MME: variants seen among roughly 807,000 people sequenced by gnomAD.
The protein encoded by MME is membrane metalloendopeptidase, also known as neprilysin.
MME carries 98 observed loss-of-function variants against 113.2 expected under a neutral mutation model. That is an observed-to-expected ratio of 0.87 (90% CI 0.74 to 1.02). The LOEUF is 1.02. MME is among the 50% of genes least tolerant of loss of function. The probability of loss-of-function intolerance (pLI) is 0.00; values close to 1 mark genes in which losing one functional copy is unlikely to be tolerated. For missense variants in MME, 836 were observed against 896.0 expected (o/e 0.93, Z 0.86); for synonymous variants, 292 against 300.6 (o/e 0.97, Z 0.30).
intron 3 of MME, among the ~76,000 whole-genome samples, chr3:155,103,902 T>G (rs992433523): frequency 2.0e-5 from 3 of 152,186 alleles, no homozygotes; most frequent in Admixed American, 6.5e-5. Flanking sequence ...AACTCACTTA[T>G]GGAAGGACAT....
intron 1 of MME, among the ~76,000 whole-genome samples, chr3:155,060,178 A>G (rs1292233609): frequency 6.6e-6 from 1 of 152,188 alleles, no homozygotes; most frequent in Non-Finnish European, 1.5e-5. Flanking sequence ...AGGTTGCAGC[A>G]AAATTATGAT....
intron 2 of MME, 83 bp from the exon 3 acceptor site, chr3:155,084,976 G>A (rs550660619): frequency 1.7e-5 from 15 of 871,204 alleles, no homozygotes; most frequent in Non-Finnish European, 2.5e-5. Context: ...TATTTAATTG[G>A]CAGTTTTTAA....
At chr3:155,074,993 C>A (rs1714698984), upstream of MME, among the ~76,000 whole-genome samples, 1 of 151,674 alleles carries the variant, frequency 6.6e-6, no homozygotes, top group Non-Finnish European at 1.5e-5. Context: ...ATATTGTTAT[C>A]CAGATCTTCT....
At chr3:155,171,254 T>C (rs1381945908) in intron 20 of MME, among the ~76,000 whole-genome samples, 1 of 152,180 alleles carries the variant, frequency 6.6e-6, no homozygotes, top group Non-Finnish European at 1.5e-5. Context: ...CCCTGCTAGA[T>C]TGCGAGCTCT....
intron 3 of MME, chr3:155,089,916 C>T: frequency 2.3e-6 from 1 of 440,230 alleles, no homozygotes; most frequent in South Asian, 1.6e-5. Flanking sequence ...GCCAAGATTG[C>T]ACGACTGCAC....
intron 20 of MME, 45 bp from the exon 21 acceptor site, chr3:155,172,072 C>G: frequency 8.8e-7 from 1 of 1,134,814 alleles, no homozygotes; most frequent in East Asian, 2.4e-5. Context: ...TATATATAAC[C>G]TTAGGAATTA....
rs200657784 is a variant in MME at position 155,167,019 on chromosome 3, A to G, written c.1778A>G (p.Asn593Ser). 177 of 1,613,576 alleles carry G rather than the reference A, an allele frequency of 1.1e-4. No homozygotes were observed. The East Asian group carries it at 3.3e-3, about 31-fold the overall frequency. ...GAAATCACCCATGGCTTCGATGACAATGGTAAAGTGCAGTTGACATTTTCC... is the reference window on the plus strand; with the variant it reads ...GAAATCACCCATGGCTTCGATGACAGTGGTAAAGTGCAGTTGACATTTTCC... ...GHEITHGFDD[N>S]GRNFNKDGDL... is the part of the protein sequence containing the mutation. The change falls in exon 18 of 23, where the codon AAT becomes AGT. Residue 593 changes from asparagine to serine, a missense_variant and splice_region_variant. Coordinates refer to ENST00000360490, the MANE Select transcript of MME (RefSeq NM_007289.4).
upstream of MME, among the ~76,000 whole-genome samples, chr3:155,079,467 G>T (rs903772460): frequency 2.6e-5 from 4 of 152,074 alleles, no homozygotes; most frequent in Non-Finnish European, 5.9e-5. Flanking sequence ...TGGTGAGATG[G>T]GGGGTGGGGA....
chr3:155,154,073 C>G (rs576277736), intron 16 of MME, among the ~76,000 whole-genome samples: 1 of 152,284 alleles, frequency 6.6e-6, no homozygotes, highest in South Asian at 2.1e-4. Flanking sequence ...AAAACATTCT[C>G]TGGAATCAAT....
intron 3 of MME, among the ~76,000 whole-genome samples, chr3:155,110,429 C>T (rs764710037): frequency 6.6e-6 from 1 of 152,192 alleles, no homozygotes; most frequent in Non-Finnish European, 1.5e-5. Context: ...CTACATCTCC[C>T]AATCCATACA....
At chr3:155,024,733 C>A (rs1015863983) in intron 1 of MME, among the ~76,000 whole-genome samples, 2 of 152,070 alleles carry the variant, frequency 1.3e-5, no homozygotes, top group African/African-American at 2.4e-5. Flanking sequence ...GAAATAAGAG[C>A]ATAACATAGA....
At chr3:155,139,744 T>C (rs1720911322) in intron 9 of MME, among the ~76,000 whole-genome samples, 1 of 152,194 alleles carries the variant, frequency 6.6e-6, no homozygotes, top group Admixed American at 6.5e-5. Context: ...TTATAGAAAC[T>C]CTTGCACCTT....
chr3:155,147,215 G>A lies in MME; in HGVS notation c.1488G>A (p.Glu496=), dbSNP rs1481414898. ...CAAATGATAACAAACTGAATAATGA[G>A]TACCTCGAGGTAAGTCTCTATAAAA... ...IVSNDNKLNN[E]YLELNYKEDE... Residue 496 remains glutamate, a synonymous_variant, in exon 15 of 23, where the codon GAG becomes GAA. Transcript: ENST00000360490. The A allele has an allele frequency of 6.3e-7, 1 of 1,591,074 alleles. No individual in the cohort carries two copies. Among genetic ancestry groups the A allele is most frequent in the South Asian group, 1.1e-5 (1 of 90,650 alleles).
intron 1 of MME, among the ~76,000 whole-genome samples, chr3:155,056,485 T>C (rs1713932473): frequency 1.3e-5 from 2 of 149,320 alleles, no homozygotes; most frequent in African/African-American, 2.5e-5. Flanking sequence ...ATTTCATCCA[T>C]GTCCCTACAA....
chr3:155,064,390 G>A (rs1714316291), intron 1 of MME, among the ~76,000 whole-genome samples: 2 of 152,152 alleles, frequency 1.3e-5, no homozygotes, highest in African/African-American at 2.4e-5. Flanking sequence ...AGGCACAAGA[G>A]AAGACGGCCA....
chr3:155,116,979 T>A lies in MME; in HGVS notation c.647T>A (p.Val216Glu), dbSNP rs371845470. 1 of 1,529,600 alleles carries A rather than the reference T, an allele frequency of 6.5e-7. No individual in the cohort carries two copies. The highest frequency in any genetic ancestry group is 1.4e-5 in the African/African-American group (1 of 73,146). The allele number at this position is 1,529,600 out of a possible 1,614,324, so 94.8% of individuals were successfully genotyped here. A position where few individuals can be genotyped will look rare whatever the true frequency, so the allele number is the denominator to read the frequency against. Residue 216 changes from valine (V) to glutamate (E), a missense_variant, in exon 7 of 23, where the codon GTA becomes GAA. Coordinates refer to ENST00000360490, the MANE Select transcript of MME (RefSeq NM_007289.4). ...GTDDKNSVNH[V>E]IHIDQPRLGL... ...GATGATAAGAATTCTGTGAATCATGTAATTCATGTAAGTTTGTGTGTCAAA... is the reference window on the plus strand; with the variant it reads ...GATGATAAGAATTCTGTGAATCATGAAATTCATGTAAGTTTGTGTGTCAAA...
Position 155,074,239 on chromosome 3 carries a change from C to T in MME, c.-10-9919C>T, listed in dbSNP as rs571224496. ...TTTCTAACTTTCTAAGTTATATGCT[C>T]ACCTCATTAAATTTTAGCTTTTTCA... On this transcript the variant is annotated intron_variant, in intron 1 of 22. Coordinates refer to the MME transcript ENST00000492661. Among the ~76,000 whole-genome samples the T allele has an allele frequency of 5.3e-5, 8 of 152,178 alleles. No individual in the cohort carries two copies. In the South Asian group the frequency reaches 1.5e-3, roughly 28 times the overall value.
At position 155,073,884 on chromosome 3, in the gene MME, G is replaced by A. The variant is rs113798373; in HGVS notation, c.-10-10274G>A. 8.8e-4 allele frequency among the ~76,000 whole-genome samples: 134 copies of A among 151,778 alleles called. 1 individual carries two copies. Among genetic ancestry groups the A allele is most frequent in the African/African-American group, 3.1e-3 (127 of 41,428 alleles). On this transcript the variant is annotated intron_variant, in intron 1 of 22. Transcript: ENST00000492661. The stretch of plus-strand genomic sequence containing the variant: ...AAAACGCAATTAATTTTTTAATATT[G>A]ATCTTTTATCCAACAATCATATTAC...
chr3:155,133,379 C>T (rs1000649029), intron 8 of MME, among the ~76,000 whole-genome samples: 1 of 151,640 alleles, frequency 6.6e-6, no homozygotes, highest in Non-Finnish European at 1.5e-5. Context: ...ATCCCAGAAG[C>T]TAGTGATACT....
Sources: gnomAD v4.1 joint callset for allele counts (sites outside exome capture counted in the v4.1 genomes callset) on GRCh38, gnomAD v4.1.1 for gene constraint, MANE v1.5 for transcripts, NCBI Gene and HGNC (gene_info 2026-07-23, HGNC 2026-07-21) for gene names.